Variants in PTPRO observed in about 807,000 individuals in gnomAD.
The protein encoded by PTPRO is receptor-type tyrosine-protein phosphatase O.
A neutral mutation model predicts 145.2 loss-of-function variants in PTPRO; 62 were observed. The ratio of observed to expected loss-of-function variants is 0.43; its 90% CI spans 0.35 to 0.53. The LOEUF is 0.53. Among genes scored for constraint, PTPRO ranks in the 20% least tolerant of loss-of-function variants. PTPRO has a pLI of 0.01. For synonymous variants in PTPRO, 565 were observed against 514.7 expected (o/e 1.10, Z -1.32); for missense variants, 1,345 against 1,482.7 (o/e 0.91, Z 1.53).
intron 1 of PTPRO, among the ~76,000 whole-genome samples, chr12:15,378,078 A>G (rs553310576): frequency 2.0e-5 from 3 of 152,170 alleles, no homozygotes; most frequent in African/African-American, 7.2e-5. Context: ...CTTCCACCTT[A>G]AGAACCTAGA....
chr12:15,440,224 C>A (rs1468150660), intron 1 of PTPRO: 2 of 648,942 alleles, frequency 3.1e-6, no homozygotes, highest in East Asian at 3.1e-5. Context: ...CCACCCTGGG[C>A]AACTTTTCCA....
intron 12 of PTPRO, among the ~76,000 whole-genome samples, chr12:15,528,717 C>G (rs1488763384): frequency 6.6e-6 from 1 of 151,762 alleles, no homozygotes; most frequent in Non-Finnish European, 1.5e-5. Flanking sequence ...TAAAATCACC[C>G]CAAAGCGTAT....
intron 1 of PTPRO, among the ~76,000 whole-genome samples, chr12:15,482,087 G>C (rs1941789917): frequency 6.6e-6 from 1 of 151,922 alleles, no homozygotes; most frequent in South Asian, 2.1e-4. Context: ...TTCACAGGAG[G>C]CAAGATACAG....
chr12:15,557,889 C>A (rs759091108), intron 16 of PTPRO, among the ~76,000 whole-genome samples: 23 of 152,014 alleles, frequency 1.5e-4, no homozygotes, highest in Non-Finnish European at 2.4e-4. Context: ...TGCGACAGAT[C>A]GGCTTCTCCA....
chr12:15,415,856 G>A (rs1267136480), intron 1 of PTPRO, among the ~76,000 whole-genome samples: 1 of 151,734 alleles, frequency 6.6e-6, no homozygotes, highest in Non-Finnish European at 1.5e-5. Flanking sequence ...GAAGAAGAGA[G>A]CAAACATGTC....
chr12:15,347,162 TC>T (rs903816694), intron 1 of PTPRO, among the ~76,000 whole-genome samples: 1 of 152,164 alleles, frequency 6.6e-6, no homozygotes, highest in Non-Finnish European at 1.5e-5. Context: ...CTCAGTTTTT[TC>T]CTCCTCCTCA....
intron 5 of PTPRO, 55 bp from the exon 6 acceptor site, chr12:15,503,853 C>T: frequency 1.4e-6 from 2 of 1,447,448 alleles, no homozygotes; most frequent in Non-Finnish European, 9.6e-7. Context: ...TGTCTATACC[C>T]AGGGCCTTTC....
At chr12:15,468,019 A>C (rs1941455847) in intron 1 of PTPRO, among the ~76,000 whole-genome samples, 1 of 152,094 alleles carries the variant, frequency 6.6e-6, no homozygotes, top group African/African-American at 2.4e-5. Context: ...TCCCAGCATC[A>C]TATCATCTTG....
chr12:15,481,993 A>G (rs899839789), intron 1 of PTPRO, among the ~76,000 whole-genome samples: 1 of 152,138 alleles, frequency 6.6e-6, no homozygotes, highest in African/African-American at 2.4e-5. Context: ...TGATCCAGCA[A>G]TCCCACGACT....
At chr12:15,438,794 A>C (rs1940672839) in intron 1 of PTPRO, among the ~76,000 whole-genome samples, 2 of 152,230 alleles carry the variant, frequency 1.3e-5, no homozygotes, top group Non-Finnish European at 2.9e-5. Flanking sequence ...TGAAAGAATA[A>C]TTCAAGTAAC....
chr12:15,528,884 T>C (rs1424335256), intron 12 of PTPRO, among the ~76,000 whole-genome samples: 2 of 152,200 alleles, frequency 1.3e-5, no homozygotes, highest in African/African-American at 4.8e-5. Flanking sequence ...GAAAAAAAAC[T>C]GCCATCCAAG....
In PTPRO at chr12:15,429,628, G is replaced by T. The variant is rs184923192; in HGVS notation, c.76-54346G>T. On this transcript the variant is annotated intron_variant, in intron 1 of 26. Transcript: ENST00000281171. ...AAACAGGAGAAAATGAGACTAGAAAGGTTCTCAAGGTTAAAATAATGTAGA... is the reference window on the plus strand; with the variant it reads ...AAACAGGAGAAAATGAGACTAGAAATGTTCTCAAGGTTAAAATAATGTAGA... Among the ~76,000 whole-genome samples the T allele has an allele frequency of 2.0e-5, 3 of 152,206 alleles. No homozygotes were observed. In the East Asian group the frequency reaches 5.8e-4, roughly 29 times the overall value.
At chr12:15,551,020 C>G (rs761912926) in intron 14 of PTPRO, among the ~76,000 whole-genome samples, 1 of 152,216 alleles carries the variant, frequency 6.6e-6, no homozygotes, top group East Asian at 1.9e-4. Flanking sequence ...CATATGGCCA[C>G]GGATCATCAG....
chr12:15,470,224 G>A (rs939770609), intron 1 of PTPRO, among the ~76,000 whole-genome samples: 1 of 152,150 alleles, frequency 6.6e-6, no homozygotes, highest in Non-Finnish European at 1.5e-5. Context: ...GGATCTTACA[G>A]TCTGGGGACT....
At chr12:15,500,334 C>A (rs898873103) in intron 4 of PTPRO, among the ~76,000 whole-genome samples, 6 of 152,054 alleles carry the variant, frequency 3.9e-5, no homozygotes, top group Admixed American at 2.0e-4. Context: ...AGTCTAAGAC[C>A]AGGAAACTAT....
In PTPRO at chr12:15,546,639, A is replaced by G. The variant is rs748399722; in HGVS notation, c.2235A>G (p.Glu745=). 6.2e-7 allele frequency: 1 copy of G among 1,613,888 alleles called. No homozygotes were observed. Among genetic ancestry groups the G allele is most frequent in the South Asian group, 1.1e-5 (1 of 91,080 alleles). The change falls in exon 13 of 27, where the codon GAA becomes GAG. Residue 745 remains glutamate, a synonymous_variant. Transcript: ENST00000281171. ...TQTSVTLLWV[E]EGVADFFEVF... ...CTTCAGTGACTTTGCTGTGGGTGGA[A>G]GAGGGAGTAGCTGATTTCTTTGAAG...
At position 15,560,194 on chromosome 12, in the gene PTPRO, C is replaced by T. The variant is rs758540202; in HGVS notation, c.2629C>T (p.Arg877Cys). Residue 877 changes from arginine (R) to cysteine (C), a missense_variant and splice_region_variant, in exon 17 of 27, where the codon CGT becomes TGT. By Grantham distance (180) the Arg-to-Cys change is radical. Transcript: ENST00000281171. ...ERDGKLPYNWRRSIFAFLTLL... is the reference protein window; with the variant it reads ...ERDGKLPYNWCRSIFAFLTLL... Reference sequence around the variant, plus strand: ...TCTGTTGTCTATTAATGCACACAGGCGTAGGAGTATATTTGCTTTCTTAAC... The same window carrying T: ...TCTGTTGTCTATTAATGCACACAGGTGTAGGAGTATATTTGCTTTCTTAAC... The T allele has an allele frequency of 2.2e-5, 34 of 1,579,536 alleles. No individual in the cohort carries two copies. Among genetic ancestry groups the T allele is most frequent in the African/African-American group, 5.4e-5 (4 of 74,120 alleles).
chr12:15,380,168 A>T (rs1275157290), intron 1 of PTPRO, among the ~76,000 whole-genome samples: 1 of 152,146 alleles, frequency 6.6e-6, no homozygotes, highest in Non-Finnish European at 1.5e-5. Context: ...AATGGAGGAA[A>T]TAATACATCA....
chr12:15,459,884 G>A (rs1389432000), intron 1 of PTPRO, among the ~76,000 whole-genome samples: 2 of 152,128 alleles, frequency 1.3e-5, no homozygotes, highest in African/African-American at 2.4e-5. Flanking sequence ...TTGAACTCAG[G>A]TACCCAAAGC....
Sources: gnomAD v4.1 joint callset for allele counts (sites outside exome capture counted in the v4.1 genomes callset) on GRCh38, gnomAD v4.1.1 for gene constraint, MANE v1.5 for transcripts, NCBI Gene and HGNC (gene_info 2026-07-23, HGNC 2026-07-21) for gene names.